UTP4: variants seen among roughly 807,000 people sequenced by gnomAD.
UTP4 encodes the protein UTP4 small subunit processome component.
A neutral mutation model predicts 82.4 loss-of-function variants in UTP4; 45 were observed. That is an observed-to-expected ratio of 0.55 (90% CI 0.43 to 0.70). UTP4 has a LOEUF of 0.70. Ranked by LOEUF, UTP4 falls within the 30% of genes least tolerant of loss-of-function variation. The probability of loss-of-function intolerance (pLI) is 0.00; values close to 1 mark genes in which losing one functional copy is unlikely to be tolerated. For missense variants in UTP4, 819 were observed against 858.3 expected, an observed-to-expected ratio of 0.95 and a Z score of 0.57; for synonymous variants, 348 against 300.3, an observed-to-expected ratio of 1.16 and a Z score of -1.64.
intron 13 of UTP4, among the ~76,000 whole-genome samples, chr16:69,162,042 A>G (rs1446893912): frequency 2.0e-5 from 3 of 149,994 alleles, no homozygotes; most frequent in Admixed American, 2.0e-4. Flanking sequence ...GTCTCTGCTC[A>G]CTGCAACCTC....
At chr16:69,162,082 C>G (rs750626258) in intron 13 of UTP4, among the ~76,000 whole-genome samples, 3 of 151,940 alleles carry the variant, frequency 2.0e-5, no homozygotes, top group Non-Finnish European at 4.4e-5. Context: ...ATTCTCCTGC[C>G]TCACCCTCCT....
intron 4 of UTP4, chr16:69,139,200 C>G (rs1475183130): frequency 1.3e-5 from 2 of 151,548 alleles, no homozygotes; most frequent in African/African-American, 4.8e-5. Flanking sequence ...ACCTCCTGAC[C>G]TCGTGATCCA....
chr16:69,165,069 C>T (rs1399717585), intron 14 of UTP4, among the ~76,000 whole-genome samples: 2 of 152,028 alleles, frequency 1.3e-5, no homozygotes, highest in African/African-American at 4.8e-5. Context: ...CTCGTGGGCG[C>T]CTATAGTCCC....
chr16:69,135,954 G>A (rs192235603), intron 2 of UTP4, among the ~76,000 whole-genome samples: 4 of 152,282 alleles, frequency 2.6e-5, no homozygotes, highest in Non-Finnish European at 2.9e-5. Context: ...GCTTGAACCC[G>A]GGAGTCGGAG....
chr16:69,161,644 G>A (rs1048018038), intron 13 of UTP4, among the ~76,000 whole-genome samples: 2 of 152,204 alleles, frequency 1.3e-5, no homozygotes, highest in African/African-American at 2.4e-5. Flanking sequence ...CACAAACGCT[G>A]TTAGTTTTGT....
Position 69,154,402 on chromosome 16 carries a change from G to A in UTP4, c.1109G>A (p.Gly370Glu), listed in dbSNP as rs1302702572. The change falls in exon 10 of 17, where the codon GGG becomes GAG. Residue 370 changes from glycine (G) to glutamate (E), a missense_variant. By Grantham distance (98) the Gly-to-Glu change is moderately conservative. Coordinates refer to ENST00000314423, the MANE Select transcript of UTP4 (RefSeq NM_032830.3). ...LGSTVATGKN[G>E]DTLPLSKNAD... is the part of the protein sequence containing the mutation. Reference sequence around the variant, plus strand: ...AAGTTTCTTGTTTCAGGCAAGAATGGGGATACTCTTCCACTCTCTAAAAAT... The same window carrying A: ...AAGTTTCTTGTTTCAGGCAAGAATGAGGATACTCTTCCACTCTCTAAAAAT... 2 of 1,611,258 alleles carry A rather than the reference G, an allele frequency of 1.2e-6. No homozygotes were observed. The highest frequency in any genetic ancestry group is 1.1e-5 in the South Asian group (1 of 90,932).
At chr16:69,148,372 C>T (rs907544696) in intron 6 of UTP4, among the ~76,000 whole-genome samples, 3 of 151,912 alleles carry the variant, frequency 2.0e-5, no homozygotes, top group African/African-American at 7.3e-5. Flanking sequence ...GTTGGAATTA[C>T]AGATGTGAGC....
intron 6 of UTP4, among the ~76,000 whole-genome samples, chr16:69,147,070 G>A (rs1024489468): frequency 2.7e-5 from 4 of 149,886 alleles, no homozygotes; most frequent in Non-Finnish European, 5.9e-5. Flanking sequence ...CCAGCTACTT[G>A]GGAGGCTGAG....
At chr16:69,158,835 C>T (rs970209961) in intron 12 of UTP4, among the ~76,000 whole-genome samples, 1 of 152,092 alleles carries the variant, frequency 6.6e-6, no homozygotes, top group Non-Finnish European at 1.5e-5. Context: ...GCCATGTTAT[C>T]GTTTGGGGGC....
rs759919961 is a variant in UTP4, at chr16:69,167,151, C to T, written c.1910C>T (p.Thr637Ile). The change falls in exon 16 of 17, where the codon ACA (threonine) becomes ATA (isoleucine). Residue 637 changes from threonine (T) to isoleucine (I), a missense_variant. By Grantham distance (89) the Thr-to-Ile change is moderately conservative. Transcript: ENST00000314423. ...TNESDVIRRR[T>I]AHAFKISKIY... ...GAATCAGATGTCATCCGGAGGCGCA[C>T]AGCTCATGCTTTTAAAATTTCTAAG... 1.1e-5 allele frequency: 18 copies of T among 1,612,834 alleles called. No individual in the cohort carries two copies. The highest frequency in any genetic ancestry group is 1.4e-5 in the Non-Finnish European group (17 of 1,178,964).
rs751461578 is a variant in UTP4 at position 69,160,448 on chromosome 16, G to T, written c.1537G>T (p.Val513Leu). The change falls in exon 13 of 17, where the codon GTA becomes TTA. Residue 513 changes from valine to leucine, a missense_variant. Val to Leu is a conservative substitution (Grantham distance 32). Transcript: ENST00000314423. The stretch of plus-strand genomic sequence containing the variant: ...CAGTGCTGGAGTCCATGTCTACAAC[G>T]TAAAACAGCTAAAGGTGAGCATAGG... ...GTSAGVHVYN[V>L]KQLKLHCTVP... The T allele has an allele frequency of 6.2e-7, 1 of 1,613,504 alleles. No individual in the cohort carries two copies. Among genetic ancestry groups the T allele is most frequent in the African/African-American group, 1.3e-5 (1 of 75,016 alleles).
chr16:69,162,053 C>T (rs767831078), intron 13 of UTP4, among the ~76,000 whole-genome samples: 3 of 151,674 alleles, frequency 2.0e-5, no homozygotes, highest in Non-Finnish European at 4.4e-5. Flanking sequence ...CTGCAACCTC[C>T]GCCTCCTAGG....
At position 69,156,001 on chromosome 16, in the gene UTP4, A is replaced by G. The variant is rs1963401122; in HGVS notation, c.1287+8A>G. On this transcript the variant is annotated splice_region_variant and intron_variant, in intron 11 of 16. Coordinates refer to ENST00000314423, the MANE Select transcript of UTP4 (RefSeq NM_032830.3). Reference sequence around the variant, plus strand: ...AACATAAGCCTCAAAAGGGTAAGTGATAGTCCAATATCTGGTCACATAAGA... The same window carrying G: ...AACATAAGCCTCAAAAGGGTAAGTGGTAGTCCAATATCTGGTCACATAAGA... 2 of 1,614,136 alleles carry G rather than the reference A, an allele frequency of 1.2e-6. No homozygotes were observed. The highest frequency in any genetic ancestry group is 1.7e-6 in the Non-Finnish European group (2 of 1,179,962).
chr16:69,143,116 A>G, intron 5 of UTP4, 62 bp from the exon 6 acceptor site: 8 of 1,562,058 alleles, frequency 5.1e-6, no homozygotes, highest in Non-Finnish European at 7.1e-6. Context: ...CTTTGGCCGC[A>G]GGCAGATTTT....
At chr16:69,161,700 C>T (rs369846892) in intron 13 of UTP4, among the ~76,000 whole-genome samples, 28 of 152,338 alleles carry the variant, frequency 1.8e-4, no homozygotes, top group African/African-American at 6.5e-4. Flanking sequence ...GGGTTTCACT[C>T]TGTCACCCAG....
At chr16:69,149,253 G>A (rs1341716043) in intron 6 of UTP4, among the ~76,000 whole-genome samples, 8 of 152,066 alleles carry the variant, frequency 5.3e-5, no homozygotes, top group African/African-American at 1.2e-4. Flanking sequence ...GGTGGCGCAC[G>A]CCTGTAATCC....
rs561270928 is a variant in UTP4, at chr16:69,134,706, T to C, written c.159+1088T>C. Among the ~76,000 whole-genome samples the C allele has an allele frequency of 4.1e-5, 6 of 147,280 alleles. No homozygotes were observed. The East Asian group carries it at 9.8e-4, about 24-fold the overall frequency. ...ATTTTCTTTTTTTTTCTTTTTCTTTTTTTTTTTTTTTTTGGAGACGGAGTC... is the reference window on the plus strand; with the variant it reads ...ATTTTCTTTTTTTTTCTTTTTCTTTCTTTTTTTTTTTTTGGAGACGGAGTC... On this transcript the variant is annotated intron_variant, in intron 2 of 16. Coordinates refer to ENST00000314423, the MANE Select transcript of UTP4 (RefSeq NM_032830.3).
Position 69,163,126 on chromosome 16 carries a change from T to C in UTP4, c.1595T>C (p.Met532Thr). ...GCTTACAATTTCCCAGTGACTGCTATGGCTATTGCCCCCAATACCAACAAC... is the reference window on the plus strand; with the variant it reads ...GCTTACAATTTCCCAGTGACTGCTACGGCTATTGCCCCCAATACCAACAAC... ...VPAYNFPVTAMAIAPNTNNLV... is the reference protein window; with the variant it reads ...VPAYNFPVTATAIAPNTNNLV... The change falls in exon 14 of 17, where the codon ATG becomes ACG. Residue 532 changes from methionine to threonine, a missense_variant. Coordinates refer to ENST00000314423, the MANE Select transcript of UTP4 (RefSeq NM_032830.3). The C allele has an allele frequency of 6.2e-7, 1 of 1,614,188 alleles. No individual in the cohort carries two copies. Among genetic ancestry groups the C allele is most frequent in the East Asian group, 2.2e-5 (1 of 44,876 alleles).
chr16:69,154,300 A>G, intron 9 of UTP4, 93 bp from the exon 10 acceptor site: 2 of 980,002 alleles, frequency 2.0e-6, no homozygotes, highest in Non-Finnish European at 3.3e-6. Context: ...ACTGATAGAG[A>G]TTCCATTTTT....
Sources: gnomAD v4.1 joint callset for allele counts (sites outside exome capture counted in the v4.1 genomes callset) on GRCh38, gnomAD v4.1.1 for gene constraint, MANE v1.5 for transcripts, NCBI Gene and HGNC (gene_info 2026-07-23, HGNC 2026-07-21) for gene names.